The following NRXN3 variants were observed in gnomAD, a reference collection of about 807,000 sequenced individuals.
NRXN3 encodes the protein neurexin III.
NRXN3 carries 32 observed loss-of-function variants against 137.6 expected under a neutral mutation model. The observed-to-expected ratio is 0.23, with a 90% CI of 0.18 to 0.31. The LOEUF is 0.31. Ranked by LOEUF, NRXN3 falls within the 10% of genes least tolerant of loss-of-function variation. The probability of loss-of-function intolerance (pLI) is 1.00; values close to 1 mark genes in which losing one functional copy is unlikely to be tolerated. For synonymous variants in NRXN3, 798 were observed against 784.5 expected, an observed-to-expected ratio of 1.02 and a Z score of -0.29; for missense variants, 1,574 against 2,062.5, an observed-to-expected ratio of 0.76 and a Z score of 4.59.
chr14:78,230,793 A>G (rs112560813), intron 1 of NRXN3, among the ~76,000 whole-genome samples: 15 of 152,148 alleles, frequency 9.9e-5, no homozygotes, highest in African/African-American at 3.6e-4. Context: ...GACCGTGGCC[A>G]TGTGGGGTCT....
intron 15 of NRXN3, among the ~76,000 whole-genome samples, chr14:78,992,526 G>A (rs1185953106): frequency 1.3e-5 from 2 of 152,320 alleles, no homozygotes; most frequent in African/African-American, 2.4e-5. Flanking sequence ...AGCCATGGCA[G>A]CACCAGGCAA....
At chr14:79,692,124 CTTA>C (rs1435665862) in intron 17 of NRXN3, 46 bp from the exon 18 acceptor site, 2 of 1,402,548 alleles carry the variant, frequency 1.4e-6, no homozygotes, top group East Asian at 4.6e-5. Flanking sequence ...TTTTTAATGA[CTTA>C]TTGACTTTTC....
intron 16 of NRXN3, among the ~76,000 whole-genome samples, chr14:79,549,720 G>C (rs1395404637): frequency 6.6e-6 from 1 of 152,014 alleles, no homozygotes; most frequent in Non-Finnish European, 1.5e-5. Flanking sequence ...AGCATTTACT[G>C]TTGCCTTCAA....
chr14:79,149,218 C>T (rs55861063), intron 15 of NRXN3, among the ~76,000 whole-genome samples: 1 of 152,044 alleles, frequency 6.6e-6, no homozygotes, highest in Non-Finnish European at 1.5e-5. Context: ...AGATCATTTC[C>T]AAAGTCCAAA....
In NRXN3 at chr14:78,761,300, T is replaced by C. The variant is rs113333029; in HGVS notation, c.2045-42320T>C. ...AATATTTTGACTGGATTTTGACTGG[T>C]AATATCAGCTGTTGCTGATAAAGTC... On this transcript the variant is annotated intron_variant, in intron 8 of 20. Coordinates refer to ENST00000335750, the MANE Select transcript of NRXN3 (RefSeq NM_001330195.2). Among the ~76,000 whole-genome samples the C allele has an allele frequency of 6.6e-3, 1,001 of 152,272 alleles. 9 individuals carry two copies. Among genetic ancestry groups the C allele is most frequent in the Non-Finnish European group, 9.4e-3 (641 of 68,032 alleles).
intron 4 of NRXN3, among the ~76,000 whole-genome samples, chr14:78,483,536 A>G (rs2095507461): frequency 6.6e-6 from 1 of 152,242 alleles, no homozygotes; most frequent in Non-Finnish European, 1.5e-5. Context: ...TTATCCAATA[A>G]CTTGGCTCTC....
intron 8 of NRXN3, among the ~76,000 whole-genome samples, chr14:78,741,594 A>G (rs2098573131): frequency 1.3e-5 from 2 of 152,212 alleles, no homozygotes; most frequent in African/African-American, 4.8e-5. Context: ...GTACGTACTC[A>G]TGAAAAGCAT....
At chr14:79,778,331 A>G (rs1362683538) in intron 19 of NRXN3, among the ~76,000 whole-genome samples, 1 of 152,086 alleles carries the variant, frequency 6.6e-6, no homozygotes, top group East Asian at 1.9e-4. Flanking sequence ...CAGGAGAATC[A>G]CTTGAACCCA....
chr14:78,334,218 T>C (rs1236386268), intron 4 of NRXN3, among the ~76,000 whole-genome samples: 1 of 151,958 alleles, frequency 6.6e-6, no homozygotes, highest in African/African-American at 2.4e-5. Flanking sequence ...GAGGAAGCGG[T>C]TGGGTTTGAG....
chr14:78,687,442 T>A (rs1171274840), intron 6 of NRXN3, among the ~76,000 whole-genome samples: 2 of 152,142 alleles, frequency 1.3e-5, no homozygotes, highest in African/African-American at 4.8e-5. Flanking sequence ...GTGGGATATA[T>A]TTTGGAGGTA....
chr14:79,554,977 A>G (rs576570655), intron 16 of NRXN3, among the ~76,000 whole-genome samples: 15 of 152,306 alleles, frequency 9.8e-5, no homozygotes, highest in African/African-American at 3.6e-4. Flanking sequence ...GACATCATCA[A>G]ATTAAGTGTA....
chr14:79,624,292 C>T (rs1336978627), intron 16 of NRXN3, among the ~76,000 whole-genome samples: 1 of 152,178 alleles, frequency 6.6e-6, no homozygotes, highest in African/African-American at 2.4e-5. Flanking sequence ...AAGGTATCAA[C>T]ATGATATCTT....
At chr14:78,408,641 A>G (rs1165700870) in intron 4 of NRXN3, among the ~76,000 whole-genome samples, 1 of 152,230 alleles carries the variant, frequency 6.6e-6, no homozygotes, top group African/African-American at 2.4e-5. Context: ...TAGTGATGGA[A>G]TGACAAGCCC....
intron 4 of NRXN3, chr14:78,614,871 T>C: frequency 4.4e-6 from 2 of 449,552 alleles, no homozygotes; most frequent in Non-Finnish European, 4.5e-6. Context: ...ATAGTGGTAA[T>C]AGACTAGCTG....
intron 15 of NRXN3, among the ~76,000 whole-genome samples, chr14:79,305,492 A>G (rs1489295052): frequency 2.0e-5 from 3 of 152,048 alleles, no homozygotes; most frequent in African/African-American, 7.2e-5. Flanking sequence ...CATTTTACAG[A>G]TGGAAGGAAT....
chr14:79,198,394 A>G (rs541466181), intron 15 of NRXN3, among the ~76,000 whole-genome samples: 2 of 152,350 alleles, frequency 1.3e-5, no homozygotes, highest in South Asian at 2.1e-4. Context: ...GCCAAGGACA[A>G]TCTGTTATGA....
At chr14:79,447,599 C>T (rs962893485) in intron 15 of NRXN3, among the ~76,000 whole-genome samples, 1 of 152,190 alleles carries the variant, frequency 6.6e-6, no homozygotes, top group Admixed American at 6.5e-5. Flanking sequence ...CTGCCAACAT[C>T]CTTGAACAGT....
At chr14:79,565,894 G>A (rs1477315764) in intron 16 of NRXN3, among the ~76,000 whole-genome samples, 1 of 152,136 alleles carries the variant, frequency 6.6e-6, no homozygotes, top group African/African-American at 2.4e-5. Flanking sequence ...AATTGTTAAT[G>A]TTTGTTAAGA....
At chr14:78,908,918 A>G (rs2099227894) in intron 10 of NRXN3, among the ~76,000 whole-genome samples, 1 of 152,170 alleles carries the variant, frequency 6.6e-6, no homozygotes, top group African/African-American at 2.4e-5. Flanking sequence ...GATGAAGCCT[A>G]CTATGGCAGA....
Sources: gnomAD v4.1 joint callset for allele counts (sites outside exome capture counted in the v4.1 genomes callset) on GRCh38, gnomAD v4.1.1 for gene constraint, MANE v1.5 for transcripts, NCBI Gene and HGNC (gene_info 2026-07-23, HGNC 2026-07-21) for gene names.